The following KCNH5 variants were observed in gnomAD, a reference collection of about 807,000 sequenced individuals.
The protein encoded by KCNH5 is voltage-gated delayed rectifier potassium channel KCNH5.
In KCNH5, 46 loss-of-function variants were observed where a neutral mutation model predicts 96.1. The observed-to-expected ratio is 0.48, with a 90% CI of 0.38 to 0.61. The LOEUF is 0.61. Ranked by LOEUF, KCNH5 falls within the 20% of genes least tolerant of loss-of-function variation. KCNH5 has a pLI of 0.00. For synonymous variants in KCNH5, 439 were observed against 449.8 expected (o/e 0.98, Z 0.30); for missense variants, 907 against 1,225.8 (o/e 0.74, Z 3.88).
intron 10 of KCNH5, among the ~76,000 whole-genome samples, chr14:62,711,221 G>A (rs962658275): frequency 2.0e-5 from 3 of 151,656 alleles, no homozygotes; most frequent in African/African-American, 7.3e-5. Context: ...ACCACCAGCT[G>A]CCCCCCACCC....
Position 62,849,803 on chromosome 14 carries a change from T to C in KCNH5, c.1419A>G (p.Gln473=). 1 of 1,613,866 alleles carries C rather than the reference T, an allele frequency of 6.2e-7. No individual in the cohort carries two copies. Among genetic ancestry groups the C allele is most frequent in the African/African-American group, 1.3e-5 (1 of 75,034 alleles). ...GGTATCGGTTGGTGTTGGCATACATTTGCTGGAAAATTGTTGTAACATTTC... is the reference window on the plus strand; with the variant it reads ...GGTATCGGTTGGTGTTGGCATACATCTGCTGGAAAATTGTTGTAACATTTC... ...IFGNVTTIFQ[Q]MYANTNRYHE... Residue 473 remains glutamine (Q), a synonymous_variant, in exon 8 of 11, where the codon CAA becomes CAG. Coordinates refer to ENST00000322893, the MANE Select transcript of KCNH5 (RefSeq NM_139318.5).
chr14:62,729,819 A>G (rs910323773), intron 10 of KCNH5, among the ~76,000 whole-genome samples: 2 of 152,214 alleles, frequency 1.3e-5, no homozygotes, highest in African/African-American at 4.8e-5. Context: ...TTTTCTGCAA[A>G]ACCCACTCTT....
At chr14:62,869,380 T>G (rs949599660) in intron 7 of KCNH5, among the ~76,000 whole-genome samples, 11 of 137,856 alleles carry the variant, frequency 8.0e-5, no homozygotes, top group Admixed American at 5.3e-4. Flanking sequence ...TTTGATGGGG[T>G]TTTTTTTTTT....
At chr14:62,732,401 T>A (rs1885069164) in intron 10 of KCNH5, among the ~76,000 whole-genome samples, 1 of 152,164 alleles carries the variant, frequency 6.6e-6, no homozygotes, top group African/African-American at 2.4e-5. Context: ...ATCAGTTATA[T>A]CCTTATATCA....
Position 62,702,112 on chromosome 14 carries a change from G to T in KCNH5, c.*5396C>A, listed in dbSNP as rs1449613738. ...TTAACCATTAGGCATTACCTCTTTA[G>T]GTTAAAATTCAACTGGAAAAGAAAA... On this transcript the variant is annotated 3_prime_UTR_variant, in exon 11 of 11. Coordinates refer to ENST00000322893, the MANE Select transcript of KCNH5 (RefSeq NM_139318.5). The T allele has an allele frequency of 7.2e-5, 11 of 152,004 alleles. No individual in the cohort carries two copies. Among genetic ancestry groups the T allele is most frequent in the Admixed American group, 7.2e-4 (11 of 15,260 alleles). 9.4% of individuals were successfully genotyped at this position (152,004 alleles called of 1,614,324 possible). A position where few individuals can be genotyped will look rare whatever the true frequency, so the allele number is the denominator to read the frequency against.
chr14:63,040,581 C>T (rs1891804831), intron 1 of KCNH5, among the ~76,000 whole-genome samples: 2 of 152,042 alleles, frequency 1.3e-5, no homozygotes, highest in African/African-American at 2.4e-5. Flanking sequence ...TTAAAGAAAA[C>T]CTTTCAAGAA....
intron 4 of KCNH5, among the ~76,000 whole-genome samples, chr14:62,997,466 T>A (rs757762600): frequency 2.0e-4 from 31 of 152,190 alleles, no homozygotes; most frequent in South Asian, 2.1e-4. Flanking sequence ...ACTGGCATAA[T>A]CATGACTTTT....
At position 62,987,148 on chromosome 14, in the gene KCNH5, T is replaced by C. The variant is rs1157619497; in HGVS notation, c.473A>G (p.Asn158Ser). 5 of 1,613,484 alleles carry C rather than the reference T, an allele frequency of 3.1e-6. No homozygotes were observed. Among genetic ancestry groups the C allele is most frequent in the Non-Finnish European group, 4.2e-6 (5 of 1,179,642 alleles). The change falls in exon 5 of 11, where the codon AAT becomes AGT. Residue 158 changes from asparagine (N) to serine (S), a missense_variant. Around this residue, in one of 6 missense-constraint regions of KCNH5, gnomAD observed 370 missense variants for 561.3 expected, o/e 0.66. Transcript: ENST00000322893. ...KFARLTRALT[N>S]SRSVLQQLTP... Reference sequence around the variant, plus strand: ...GAGCTGCTGCAAAACACTTCGGCTATTTGTCAAAGCCCGTGTCAATCGGGC... The same window carrying C: ...GAGCTGCTGCAAAACACTTCGGCTACTTGTCAAAGCCCGTGTCAATCGGGC...
At chr14:62,744,902 A>T (rs1272686720) in intron 10 of KCNH5, among the ~76,000 whole-genome samples, 5 of 152,174 alleles carry the variant, frequency 3.3e-5, no homozygotes, top group Non-Finnish European at 5.9e-5. Flanking sequence ...CAAGTTAAAT[A>T]TCATAGTTTT....
chr14:62,810,915 T>C (rs1325654523), intron 8 of KCNH5, among the ~76,000 whole-genome samples: 1 of 152,072 alleles, frequency 6.6e-6, no homozygotes, highest in Non-Finnish European at 1.5e-5. Context: ...TCTTGGGGTC[T>C]GAATCAGGAC....
chr14:62,786,520 G>T (rs1004049634), intron 9 of KCNH5, among the ~76,000 whole-genome samples: 4 of 152,050 alleles, frequency 2.6e-5, no homozygotes, highest in African/African-American at 7.2e-5. Context: ...ACATATTTTT[G>T]ATTGTGTGTG....
chr14:62,806,086 G>A (rs112128810), intron 8 of KCNH5, among the ~76,000 whole-genome samples: 9 of 152,226 alleles, frequency 5.9e-5, no homozygotes, highest in South Asian at 2.1e-4. Context: ...AGATGGCCAC[G>A]GAGTGACCTC....
rs1025361274 is a variant in KCNH5 at position 62,704,977 on chromosome 14, G to A, written c.*2531C>T. ...CATGCATTCCTGCTGAAAACAGCAG[G>A]GTGCATTCAGCACCTCTTCATATCA... On this transcript the variant is annotated 3_prime_UTR_variant, in exon 11 of 11. Transcript: ENST00000322893. 1.3e-5 allele frequency: 2 copies of A among 151,732 alleles called. No individual in the cohort carries two copies. The highest frequency in any genetic ancestry group is 4.8e-5 in the African/African-American group (2 of 41,348). 9.4% of individuals were successfully genotyped at this position (151,732 alleles called of 1,614,324 possible). A position where few individuals can be genotyped will look rare whatever the true frequency, so the allele number is the denominator to read the frequency against.
At chr14:62,819,264 G>A (rs1229589660) in intron 8 of KCNH5, among the ~76,000 whole-genome samples, 2 of 152,146 alleles carry the variant, frequency 1.3e-5, no homozygotes, top group Non-Finnish European at 2.9e-5. Flanking sequence ...ACCGTGCCTG[G>A]CCAAGAATAT....
chr14:62,827,114 A>T (rs1009166429), intron 8 of KCNH5, among the ~76,000 whole-genome samples: 2 of 152,198 alleles, frequency 1.3e-5, no homozygotes, highest in African/African-American at 4.8e-5. Flanking sequence ...AATGCAACTA[A>T]AACATAAAAA....
At position 62,778,878 on chromosome 14, in the gene KCNH5, T is replaced by C. The variant is rs925378239; in HGVS notation, c.2019+850A>G. Among the ~76,000 whole-genome samples, 9 of 152,246 alleles carry C rather than the reference T, an allele frequency of 5.9e-5. No homozygotes were observed. The South Asian group carries it at 1.0e-3, about 18-fold the overall frequency. ...TTACATTGATTTAATTATGTTCATTTCTATGTTGCTACAGTATAGACATTA... is the reference window on the plus strand; with the variant it reads ...TTACATTGATTTAATTATGTTCATTCCTATGTTGCTACAGTATAGACATTA... On this transcript the variant is annotated intron_variant, in intron 10 of 10. Transcript: ENST00000322893.
At chr14:63,005,604 G>A (rs1319246719) in intron 3 of KCNH5, among the ~76,000 whole-genome samples, 1 of 152,096 alleles carries the variant, frequency 6.6e-6, no homozygotes, top group East Asian at 1.9e-4. Context: ...AAAAAAGAAA[G>A]CAAGAACAAT....
At chr14:62,801,581 T>C (rs1298638091) in intron 9 of KCNH5, among the ~76,000 whole-genome samples, 2 of 150,626 alleles carry the variant, frequency 1.3e-5, no homozygotes, top group East Asian at 2.0e-4. Context: ...TTATCACTTA[T>C]ATATACTGTT....
chr14:62,986,919 T>C (rs1594660859), intron 5 of KCNH5, among the ~76,000 whole-genome samples, 153 bp downstream of exon 5: 2 of 152,292 alleles, frequency 1.3e-5, no homozygotes, highest in Non-Finnish European at 2.9e-5. Context: ...TGAATAGAAA[T>C]ATTTGGGATT....
Sources: allele counts gnomAD v4.1 joint callset (sites outside exome capture counted in the v4.1 genomes callset), GRCh38; gene constraint gnomAD v4.1.1; regional missense constraint gnomAD v4.1.1; transcripts MANE v1.5; gene names NCBI Gene and HGNC (gene_info 2026-07-23, HGNC 2026-07-21).